Variants in ADGB observed in about 807,000 individuals in gnomAD.
ADGB encodes the protein calpain-7-like protein.
ADGB carries 172 observed loss-of-function variants against 210.5 expected under a neutral mutation model. The ratio of observed to expected loss-of-function variants is 0.82; its 90% CI spans 0.72 to 0.93. The LOEUF is 0.93. ADGB is among the 40% of genes least tolerant of loss of function. The pLI is 0.00. For synonymous variants in ADGB, 658 were observed against 662.7 expected, an observed-to-expected ratio of 0.99 and a Z score of 0.11; for missense variants, 2,025 against 1,964.8, an observed-to-expected ratio of 1.03 and a Z score of -0.58.
At chr6:146,789,590 T>C (rs1297338860) in intron 33 of ADGB, among the ~76,000 whole-genome samples, 1 of 152,214 alleles carries the variant, frequency 6.6e-6, no homozygotes, top group African/African-American at 2.4e-5. Context: ...AGGAATCTTT[T>C]ACTATACTAA....
At chr6:146,733,764 T>A in intron 21 of ADGB, 129 bp from the exon 22 acceptor site, 1 of 1,024,368 alleles carries the variant, frequency 9.8e-7, no homozygotes, top group Non-Finnish European at 1.4e-6. Context: ...GCCGGCAATA[T>A]TAAATATGAT....
Position 146,815,311 on chromosome 6 carries a change from A to G in ADGB, c.*94A>G, listed in dbSNP as rs1778374880. The G allele has an allele frequency of 2.1e-6, 2 of 931,026 alleles. No homozygotes were observed. Among genetic ancestry groups the G allele is most frequent in the Non-Finnish European group, 1.5e-6 (1 of 682,964 alleles). 57.7% of individuals were successfully genotyped at this position (931,026 alleles called of 1,614,324 possible). A position where few individuals can be genotyped will look rare whatever the true frequency, so the allele number is the denominator to read the frequency against. On this transcript the variant is annotated 3_prime_UTR_variant, in exon 36 of 36. Transcript: ENST00000397944. ...TGCTGTTAAGATATTAGGCCAAATG[A>G]AAATAGAAATTTCTCTTTCTTAGAA...
chr6:146,648,282 A>C (rs971180734), intron 3 of ADGB, among the ~76,000 whole-genome samples: 1 of 151,948 alleles, frequency 6.6e-6, no homozygotes, highest in Admixed American at 6.6e-5. Flanking sequence ...GAACTCCTGC[A>C]CTCAAGTGAT....
At chr6:146,605,653 G>A (rs1184305540) in intron 1 of ADGB, among the ~76,000 whole-genome samples, 1 of 152,120 alleles carries the variant, frequency 6.6e-6, no homozygotes, top group Non-Finnish European at 1.5e-5. Flanking sequence ...GAGGGAAAAG[G>A]CCCTGTCATA....
intron 1 of ADGB, among the ~76,000 whole-genome samples, chr6:146,631,883 C>G (rs1781070541): frequency 6.6e-6 from 1 of 151,612 alleles, no homozygotes; most frequent in Middle Eastern, 3.2e-3. Flanking sequence ...TTCCTTGTTT[C>G]TAAATTCAAC....
intron 13 of ADGB, among the ~76,000 whole-genome samples, chr6:146,711,444 G>C (rs144753764): frequency 3.3e-4 from 50 of 151,816 alleles, no homozygotes; most frequent in African/African-American, 1.1e-3. Context: ...GGTACCTTTA[G>C]ACTTCCTTTT....
intron 5 of ADGB, among the ~76,000 whole-genome samples, chr6:146,659,094 T>TA (rs1402233957): frequency 6.6e-6 from 1 of 152,194 alleles, no homozygotes; most frequent in Non-Finnish European, 1.5e-5. Context: ...AGTAAGAAGT[T>TA]AGAGTCAATT....
intron 1 of ADGB, among the ~76,000 whole-genome samples, chr6:146,618,442 T>C (rs548816034): frequency 1.3e-5 from 2 of 152,162 alleles, no homozygotes; most frequent in African/African-American, 4.8e-5. Context: ...TTCTAGTTCC[T>C]TGAAGTGCAT....
intron 1 of ADGB, among the ~76,000 whole-genome samples, chr6:146,600,796 A>G (rs922253365): frequency 1.1e-4 from 16 of 151,046 alleles, no homozygotes; most frequent in African/African-American, 3.4e-4. Flanking sequence ...TTGAATTCTT[A>G]GTACTTAGAT....
At chr6:146,600,305 C>A in intron 1 of ADGB, 1 of 229,034 alleles carries the variant, frequency 4.4e-6, no homozygotes, top group Non-Finnish European at 9.3e-6. Context: ...GTCTTTTCAG[C>A]GTTGTCTAAT....
At chr6:146,611,751 AC>A (rs950749212) in intron 1 of ADGB, among the ~76,000 whole-genome samples, 59 of 151,992 alleles carry the variant, frequency 3.9e-4, no homozygotes, top group African/African-American at 1.4e-3. Flanking sequence ...TCTTGGGCAA[AC>A]CTTTTCCTGA....
At chr6:146,657,718 T>G (rs1775804755) in intron 5 of ADGB, among the ~76,000 whole-genome samples, 2 of 152,186 alleles carry the variant, frequency 1.3e-5, no homozygotes, top group African/African-American at 2.4e-5. Flanking sequence ...TAGCCCATGG[T>G]CCAGTCCTCT....
rs894575090 is a variant in ADGB, at chr6:146,752,745, G to T, written c.3550+31G>T. The T allele has an allele frequency of 1.1e-5, 16 of 1,471,614 alleles. No homozygotes were observed. The East Asian group carries it at 4.0e-4, about 37-fold the overall frequency. 91.2% of individuals were successfully genotyped at this position (1,471,614 alleles called of 1,614,324 possible). The stretch of plus-strand genomic sequence containing the variant: ...TGTACCTTTATGAACAGGATAGTTA[G>T]ATTCATAAATGGATATTTATGTTTT... On this transcript the variant is annotated intron_variant, in intron 27 of 35. Coordinates refer to ENST00000397944, the MANE Select transcript of ADGB (RefSeq NM_024694.4).
At chr6:146,620,476 C>CT (rs930564016) in intron 1 of ADGB, among the ~76,000 whole-genome samples, 19 of 151,270 alleles carry the variant, frequency 1.3e-4, no homozygotes, top group Admixed American at 5.9e-4. Context: ...CACTTTTATT[C>CT]TTTTTTTTTC....
chr6:146,769,227 T>C, intron 29 of ADGB, 96 bp downstream of exon 29: 3 of 603,870 alleles, frequency 5.0e-6, no homozygotes, highest in Non-Finnish European at 8.6e-6. Flanking sequence ...GAAAATATCA[T>C]TGTATGATGT....
intron 4 of ADGB, among the ~76,000 whole-genome samples, chr6:146,655,973 A>G (rs1322789141): frequency 2.0e-5 from 3 of 152,196 alleles, no homozygotes; most frequent in Non-Finnish European, 4.4e-5. Flanking sequence ...TGAGGTAACA[A>G]TGGCTTCATT....
chr6:146,628,668 C>T (rs1781015973), intron 1 of ADGB, among the ~76,000 whole-genome samples: 1 of 151,764 alleles, frequency 6.6e-6, no homozygotes, highest in Non-Finnish European at 1.5e-5. Context: ...GTATGCTGTT[C>T]TTTTCTCCTA....
At chr6:146,673,452 C>T (rs1157637159) in intron 8 of ADGB, among the ~76,000 whole-genome samples, 6 of 152,200 alleles carry the variant, frequency 3.9e-5, no homozygotes, top group Admixed American at 3.3e-4. Context: ...TGTCGTTATC[C>T]TTTCTTAAGT....
intron 33 of ADGB, among the ~76,000 whole-genome samples, chr6:146,795,654 G>C (rs765562054): frequency 1.3e-5 from 2 of 152,090 alleles, no homozygotes; most frequent in African/African-American, 4.8e-5. Flanking sequence ...GACAGATGCT[G>C]GTCAGGTTGT....
Sources: allele counts gnomAD v4.1 joint callset (sites outside exome capture counted in the v4.1 genomes callset), GRCh38; gene constraint gnomAD v4.1.1; transcripts MANE v1.5; gene names NCBI Gene and HGNC (gene_info 2026-07-23, HGNC 2026-07-21).